TRERF1: variants seen among roughly 807,000 people sequenced by gnomAD.
The protein encoded by TRERF1 is transcriptional-regulating factor 1.
A neutral mutation model predicts 122.9 loss-of-function variants in TRERF1; 27 were observed. That is an observed-to-expected ratio of 0.22 (90% CI 0.16 to 0.30). TRERF1 has a LOEUF of 0.30. Ranked by LOEUF, TRERF1 falls within the 10% of genes least tolerant of loss-of-function variation. The probability of loss-of-function intolerance (pLI) is 1.00; values close to 1 mark genes in which losing one functional copy is unlikely to be tolerated. For synonymous variants in TRERF1, 636 were observed against 641.7 expected, an observed-to-expected ratio of 0.99 and a Z score of 0.13; for missense variants, 1,248 against 1,560.3, an observed-to-expected ratio of 0.80 and a Z score of 3.37.
intron 2 of TRERF1, among the ~76,000 whole-genome samples, chr6:42,385,452 G>A (rs910294389): frequency 2.0e-5 from 3 of 152,178 alleles, no homozygotes; most frequent in East Asian, 1.9e-4. Context: ...CTGAAGTTAC[G>A]TGGACAGGCA....
chr6:42,232,771 C>G lies in TRERF1; in HGVS notation c.3188G>C (p.Gly1063Ala), dbSNP rs373455666. 3.1e-6 allele frequency: 5 copies of G among 1,613,172 alleles called. No individual in the cohort carries two copies. The African/African-American group carries it at 6.7e-5, about 22-fold the overall frequency. Residue 1063 changes from glycine (G) to alanine (A), a missense_variant, in exon 17 of 18, where the codon GGG (glycine) becomes GCG (alanine). Around this residue, in one of 5 missense-constraint regions of TRERF1, gnomAD observed 159 missense variants for 221.7 expected, o/e 0.72. Transcript: ENST00000372922. This position sits in a 1 kb window ranked among gnomAD's most constrained non-coding sequence, Gnocchi z 4.5. ...GGGTGAGCTCTTTACCGAACAGTAC[C>G]CACTCTGGGTGCCACCAGGCTTCTG...
At chr6:42,233,007 G>A in intron 16 of TRERF1, 79 bp from the exon 17 acceptor site, 3 of 1,416,048 alleles carry the variant, frequency 2.1e-6, no homozygotes, top group Non-Finnish European at 2.8e-6. Flanking sequence ...AGGGCACAAG[G>A]GTTTTATATA....
At chr6:42,277,454 G>A (rs745456773) in intron 4 of TRERF1, among the ~76,000 whole-genome samples, 4 of 152,184 alleles carry the variant, frequency 2.6e-5, no homozygotes, top group Non-Finnish European at 5.9e-5. Context: ...CAGATTGTGA[G>A]CTTAAAGATA....
At chr6:42,405,794 C>CAA (rs34821967) in intron 2 of TRERF1, among the ~76,000 whole-genome samples, 3,184 of 108,296 alleles carry the variant, frequency 0.029, 142 homozygotes, top group African/African-American at 0.1. Flanking sequence ...GACCTTGTCT[C>CAA]AAAAAAAAAA....
At chr6:42,419,662 C>T (rs1782473712) in intron 2 of TRERF1, among the ~76,000 whole-genome samples, 1 of 152,162 alleles carries the variant, frequency 6.6e-6, no homozygotes, top group Non-Finnish European at 1.5e-5. Flanking sequence ...GTGGCTGGCA[C>T]CCACGGATTT....
chr6:42,395,992 T>A (rs1778514231), intron 2 of TRERF1, among the ~76,000 whole-genome samples: 1 of 152,242 alleles, frequency 6.6e-6, no homozygotes, highest in Non-Finnish European at 1.5e-5. Context: ...AACTGCCATC[T>A]GATCAATGGT....
chr6:42,349,276 C>CT (rs796785748), intron 3 of TRERF1, among the ~76,000 whole-genome samples: 3,261 of 147,032 alleles, frequency 0.022, 118 homozygotes, highest in African/African-American at 0.076. Flanking sequence ...AGGAAGCTGT[C>CT]TTTTTTTTTT....
chr6:42,421,070 A>G (rs933171242), intron 2 of TRERF1, among the ~76,000 whole-genome samples: 2 of 152,222 alleles, frequency 1.3e-5, no homozygotes, highest in Admixed American at 1.3e-4. Flanking sequence ...TACATGCTCC[A>G]TGACCCTGGG....
intron 2 of TRERF1, among the ~76,000 whole-genome samples, chr6:42,423,569 C>T (rs1243019807): frequency 6.6e-6 from 1 of 152,114 alleles, no homozygotes; most frequent in Non-Finnish European, 1.5e-5. Context: ...GGCAGGAAAC[C>T]ATAGATATCA....
In TRERF1 at chr6:42,294,336, G is replaced by A. The variant is rs574588247; in HGVS notation, c.-259+6302C>T. 2.4e-3 allele frequency among the ~76,000 whole-genome samples: 357 copies of A among 151,872 alleles called. 1 individual carries two copies. Among genetic ancestry groups the A allele is most frequent in the African/African-American group, 8.3e-3 (345 of 41,440 alleles). ...TGGGATTACAGGCGTGCGCCACCAC[G>A]CCCGGCTAATTTTTTTTTGTATTTT... is the stretch of plus-strand genomic sequence containing the variant. On this transcript the variant is annotated intron_variant, in intron 4 of 17. Transcript: ENST00000372922.
chr6:42,435,474 C>G (rs1012184513), intron 2 of TRERF1, among the ~76,000 whole-genome samples: 6 of 151,904 alleles, frequency 3.9e-5, no homozygotes, highest in African/African-American at 1.5e-4. Flanking sequence ...TTGCTTGAGC[C>G]TAGGAGGTCA....
At chr6:42,401,322 G>A (rs1439226367) in intron 2 of TRERF1, among the ~76,000 whole-genome samples, 3 of 152,080 alleles carry the variant, frequency 2.0e-5, no homozygotes, top group East Asian at 1.9e-4. Context: ...TTCACCATCC[G>A]TGCTCTCAAA....
intron 2 of TRERF1, among the ~76,000 whole-genome samples, chr6:42,436,772 A>T (rs1467378346): frequency 2.2e-5 from 3 of 138,112 alleles, no homozygotes; most frequent in Admixed American, 7.6e-5. Context: ...CTCTATAATC[A>T]CTATGAATTA....
At chr6:42,408,596 T>C (rs1780659597) in intron 2 of TRERF1, among the ~76,000 whole-genome samples, 1 of 151,956 alleles carries the variant, frequency 6.6e-6, no homozygotes, top group East Asian at 1.9e-4. Flanking sequence ...CAGGCTGATC[T>C]CCAACTCCTG....
chr6:42,360,318 T>C (rs1029123707), intron 3 of TRERF1, among the ~76,000 whole-genome samples: 21 of 152,204 alleles, frequency 1.4e-4, no homozygotes, highest in African/African-American at 4.3e-4. Flanking sequence ...GAGTTCAGTG[T>C]TTACTCTGGC....
chr6:42,373,746 G>A (rs376044112), intron 2 of TRERF1, among the ~76,000 whole-genome samples: 41 of 151,496 alleles, frequency 2.7e-4, no homozygotes, highest in East Asian at 2.3e-3. Flanking sequence ...CAGGAGAATC[G>A]CTTGAACCTG....
At chr6:42,407,375 T>C (rs1297802049) in intron 2 of TRERF1, among the ~76,000 whole-genome samples, 1 of 152,180 alleles carries the variant, frequency 6.6e-6, no homozygotes, top group Non-Finnish European at 1.5e-5. Flanking sequence ...TCTGCCCGTC[T>C]CTGTTGTCAC....
chr6:42,345,837 G>C (rs1768172070), intron 3 of TRERF1, among the ~76,000 whole-genome samples: 2 of 152,180 alleles, frequency 1.3e-5, no homozygotes, highest in Non-Finnish European at 2.9e-5. Context: ...TCTGTATACA[G>C]GTGCCCATAG....
chr6:42,377,584 A>G (rs1775130315), intron 2 of TRERF1, among the ~76,000 whole-genome samples: 3 of 152,262 alleles, frequency 2.0e-5, no homozygotes, highest in African/African-American at 7.2e-5. Flanking sequence ...TAAAGGACAG[A>G]ACAAATGATG....
Sources: gnomAD v4.1 joint callset for allele counts (sites outside exome capture counted in the v4.1 genomes callset) on GRCh38, gnomAD v4.1.1 for gene constraint, gnomAD v4.1.1 regional missense constraint, Gnocchi (gnomAD v3.1) non-coding constraint, MANE v1.5 for transcripts, NCBI Gene and HGNC (gene_info 2026-07-23, HGNC 2026-07-21) for gene names.